Variants in SLC16A7 observed in about 807,000 individuals in gnomAD.
The protein encoded by SLC16A7 is monocarboxylate transporter 2.
A neutral mutation model predicts 34.9 loss-of-function variants in SLC16A7; 33 were observed. The observed-to-expected ratio is 0.94, with a 90% CI of 0.72 to 1.26. SLC16A7 has a LOEUF of 1.26. Among genes scored for constraint, SLC16A7 ranks in the 50% most tolerant of loss-of-function variants. The pLI, the probability that SLC16A7 is intolerant of heterozygous loss-of-function variation, is 0.00. For missense variants in SLC16A7, 573 were observed against 578.1 expected, an observed-to-expected ratio of 0.99 and a Z score of 0.09; for synonymous variants, 201 against 206.6, an observed-to-expected ratio of 0.97 and a Z score of 0.23.
chr12:59,629,139 G>T (rs1880067348), intron 1 of SLC16A7, among the ~76,000 whole-genome samples: 1 of 151,660 alleles, frequency 6.6e-6, no homozygotes, highest in Non-Finnish European at 1.5e-5. Flanking sequence ...CTTCTTATAA[G>T]GACATTAATC....
intron 2 of SLC16A7, among the ~76,000 whole-genome samples, chr12:59,699,638 C>T (rs1395181218): frequency 6.6e-6 from 1 of 151,682 alleles, no homozygotes; most frequent in Non-Finnish European, 1.5e-5. Flanking sequence ...AATCTCTATA[C>T]ATAGTTATGG....
chr12:59,693,739 G>A (rs1204807522), intron 2 of SLC16A7, among the ~76,000 whole-genome samples: 1 of 151,784 alleles, frequency 6.6e-6, no homozygotes, highest in Non-Finnish European at 1.5e-5. Flanking sequence ...CCATCAGAAT[G>A]GACATGCGCA....
At chr12:59,749,059 A>C (rs1879210618) in intron 3 of SLC16A7, among the ~76,000 whole-genome samples, 1 of 152,226 alleles carries the variant, frequency 6.6e-6, no homozygotes, top group Non-Finnish European at 1.5e-5. Flanking sequence ...CATCTGCCTG[A>C]ACAGGTTTTT....
At position 59,735,940 on chromosome 12, in the gene SLC16A7, G is replaced by A. The variant is rs1427327938; in HGVS notation, c.217+30922G>A. On this transcript the variant is annotated intron_variant, in intron 3 of 5. Coordinates refer to ENST00000547379, the MANE Select transcript of SLC16A7 (RefSeq NM_001270623.2). ...CTATGACTTTGATAGGAAAAAAGGA[G>A]AAGCGGAATGCATCATTCACCCTTT... 5.6e-6 allele frequency: 7 copies of A among 1,249,598 alleles called. No individual in the cohort carries two copies. In the African/African-American group the frequency reaches 7.7e-5, roughly 14 times the overall value. The allele number at this position is 1,249,598 out of a possible 1,614,324, so 77.4% of individuals were successfully genotyped here.
At chr12:59,618,084 T>G (rs987133320) in intron 1 of SLC16A7, among the ~76,000 whole-genome samples, 1 of 151,968 alleles carries the variant, frequency 6.6e-6, no homozygotes, top group African/African-American at 2.4e-5. Context: ...TAGATTATAT[T>G]GCAGGAATAG....
intron 1 of SLC16A7, among the ~76,000 whole-genome samples, chr12:59,637,871 TA>T (rs1428545662): frequency 2.0e-5 from 3 of 152,150 alleles, no homozygotes; most frequent in Admixed American, 2.0e-4. Context: ...TGGCTTGCTA[TA>T]AAAGCAAGTT....
chr12:59,610,391 A>T (rs1345117509), intron 1 of SLC16A7, among the ~76,000 whole-genome samples: 1 of 152,196 alleles, frequency 6.6e-6, no homozygotes, highest in Non-Finnish European at 1.5e-5. Context: ...GTATGTTGGG[A>T]TTGATGCTAG....
At chr12:59,730,359 A>AT (rs1314402567) in intron 3 of SLC16A7, among the ~76,000 whole-genome samples, 1 of 151,866 alleles carries the variant, frequency 6.6e-6, no homozygotes, top group Non-Finnish European at 1.5e-5. Flanking sequence ...AAAAAAAAAA[A>AT]AAACAGACAA....
At chr12:59,771,421 A>G in intron 4 of SLC16A7, 59 bp downstream of exon 4, 1 of 1,183,176 alleles carries the variant, frequency 8.5e-7, no homozygotes, top group South Asian at 2.0e-5. Flanking sequence ...AAGCTCTATG[A>G]GAAGAATGAA....
intron 3 of SLC16A7, among the ~76,000 whole-genome samples, chr12:59,742,444 C>T (rs892898740): frequency 1.3e-5 from 2 of 152,204 alleles, no homozygotes; most frequent in Non-Finnish European, 1.5e-5. Context: ...GAAAAGCCCA[C>T]TCTTGCCCTG....
At chr12:59,671,858 T>A (rs1460798423) in intron 2 of SLC16A7, among the ~76,000 whole-genome samples, 3 of 71,268 alleles carry the variant, frequency 4.2e-5, no homozygotes, top group African/African-American at 1.5e-4. Flanking sequence ...TATATATGTG[T>A]ATATGTATAT....
intron 3 of SLC16A7, among the ~76,000 whole-genome samples, chr12:59,744,508 A>G (rs965240288): frequency 2.0e-5 from 3 of 152,060 alleles, no homozygotes; most frequent in African/African-American, 4.8e-5. Flanking sequence ...AAAATCCTCC[A>G]TATTCACCAA....
chr12:59,779,964 G>A lies in SLC16A7; in HGVS notation c.*285G>A, dbSNP rs953846307. On this transcript the variant is annotated 3_prime_UTR_variant, in exon 6 of 6. Transcript: ENST00000547379. ...AAAATACTAATTTTAAAGTCTTCCA[G>A]TGACTTTCGGTCTTGGTTATATGGA... is the stretch of plus-strand genomic sequence containing the variant. 7.6e-6 allele frequency: 2 copies of A among 261,568 alleles called. No individual in the cohort carries two copies. Among genetic ancestry groups the A allele is most frequent in the Admixed American group, 1.0e-4 (2 of 19,740 alleles). The allele number at this position is 261,568 out of a possible 1,614,324, so 16.2% of individuals were successfully genotyped here.
intron 5 of SLC16A7, among the ~76,000 whole-genome samples, chr12:59,778,485 T>C (rs1057487672): frequency 2.0e-5 from 3 of 152,172 alleles, no homozygotes; most frequent in Non-Finnish European, 2.9e-5. Flanking sequence ...GGAATGCATA[T>C]GCTAATTTAT....
chr12:59,760,438 A>G (rs1422804754), intron 3 of SLC16A7, among the ~76,000 whole-genome samples: 1 of 152,062 alleles, frequency 6.6e-6, no homozygotes, highest in Non-Finnish European at 1.5e-5. Flanking sequence ...TCTGTGGGAG[A>G]TATGTTCTAA....
At chr12:59,637,503 G>A (rs556661427) in intron 1 of SLC16A7, among the ~76,000 whole-genome samples, 4 of 151,436 alleles carry the variant, frequency 2.6e-5, no homozygotes, top group African/African-American at 4.8e-5. Context: ...GGGTTAGAAA[G>A]GTGTGAGACC....
At chr12:59,638,541 A>G (rs953944969) in intron 1 of SLC16A7, among the ~76,000 whole-genome samples, 31 of 152,164 alleles carry the variant, frequency 2.0e-4, no homozygotes, top group African/African-American at 6.8e-4. Context: ...TAAATATTCT[A>G]CAAGTAATTC....
chr12:59,651,840 T>G (rs576975176), intron 1 of SLC16A7, among the ~76,000 whole-genome samples: 1 of 152,268 alleles, frequency 6.6e-6, no homozygotes, highest in Non-Finnish European at 1.5e-5. Flanking sequence ...TTTCTGGGCT[T>G]GAGGAAGGGA....
chr12:59,751,863 G>A (rs1175131942), intron 3 of SLC16A7, among the ~76,000 whole-genome samples: 1 of 152,140 alleles, frequency 6.6e-6, no homozygotes, highest in Non-Finnish European at 1.5e-5. Flanking sequence ...CCCGCAGTTG[G>A]GGCAGACTGA....
Sources: allele counts gnomAD v4.1 joint callset (sites outside exome capture counted in the v4.1 genomes callset), GRCh38; gene constraint gnomAD v4.1.1; transcripts MANE v1.5; gene names NCBI Gene and HGNC (gene_info 2026-07-23, HGNC 2026-07-21).